Variants in HNRNPUL1 observed in about 807,000 individuals in gnomAD.
The protein encoded by HNRNPUL1 is heterogeneous nuclear ribonucleoprotein U like 1.
A neutral mutation model predicts 108.5 loss-of-function variants in HNRNPUL1; 14 were observed. The ratio of observed to expected loss-of-function variants is 0.13; its 90% confidence interval spans 0.09 to 0.20. HNRNPUL1 has a LOEUF of 0.20. HNRNPUL1 is among the 10% of genes least tolerant of loss of function. The pLI is 1.00. For synonymous variants in HNRNPUL1, 422 were observed against 445.2 expected (o/e 0.95, Z 0.66); for missense variants, 804 against 1,168.3 (o/e 0.69, Z 4.55).
chr19:41,306,730 CT>C lies in HNRNPUL1; in HGVS notation c.*166del. 1 of 412,964 alleles carries C rather than the reference CT, an allele frequency of 2.4e-6. No individual in the cohort carries two copies. The highest frequency in any genetic ancestry group is 8.1e-5 in the South Asian group (1 of 12,282). The allele number at this position is 412,964 out of a possible 1,614,324, so 25.6% of individuals were successfully genotyped here. On this transcript the variant is annotated 3_prime_UTR_variant, in exon 15 of 15. Coordinates refer to ENST00000392006, the MANE Select transcript of HNRNPUL1 (RefSeq NM_007040.6). ...CTCCCCTCTGAGGGGCTTCCTTCCC[CT>C]CCATAGGGCCAGGCATTTTTTTCTG...
At chr19:41,269,059 T>C (rs564739591) in intron 2 of HNRNPUL1, among the ~76,000 whole-genome samples, 2 of 152,054 alleles carry the variant, frequency 1.3e-5, no homozygotes, top group South Asian at 4.2e-4. Context: ...CTTAGCCAAA[T>C]GTGTCTGGAA....
Position 41,292,004 on chromosome 19 carries a change from AAAC to A in HNRNPUL1, c.1000-240_1000-238del. The stretch of plus-strand genomic sequence containing the variant: ...CAAAAAAAAAAAAAACAAAAAAAAA[AAAC>A]TCTTGCTTACTTGCTTCATATCCAC... On this transcript the variant is annotated intron_variant, in intron 7 of 14. Transcript: ENST00000392006. The surrounding 1 kb of genome is among the most constrained non-coding windows in gnomAD (Gnocchi z 4.1). The A allele has an allele frequency of 9.4e-6, 5 of 529,548 alleles. No homozygotes were observed. Among genetic ancestry groups the A allele is most frequent in the East Asian group, 3.3e-5 (1 of 30,618 alleles). The allele number at this position is 529,548 out of a possible 1,614,324, so 32.8% of individuals were successfully genotyped here.
intron 6 of HNRNPUL1, 143 bp from the exon 7 acceptor site, chr19:41,281,020 C>T: frequency 1.7e-6 from 1 of 604,314 alleles, no homozygotes; most frequent in Non-Finnish European, 3.0e-6. Context: ...CACCCTTCCC[C>T]ACCCCTATTT....
chr19:41,273,837 A>T, intron 3 of HNRNPUL1, 145 bp from the exon 4 acceptor site: 1 of 634,114 alleles, frequency 1.6e-6, no homozygotes, highest in Non-Finnish European at 2.8e-6. Context: ...AGGGTTTCAG[A>T]GTTCTTTTGC....
chr19:41,281,292 T>G lies in HNRNPUL1; in HGVS notation c.999+17T>G, dbSNP rs769275998. The G allele has an allele frequency of 2.2e-5, 34 of 1,554,590 alleles. No homozygotes were observed. The highest frequency in any genetic ancestry group is 2.9e-5 in the Non-Finnish European group (33 of 1,126,156). ...TGCTTTGCGGTGAGTGCTAGCAGCC[T>G]GTGGGAGTTGGCAGAACCAGATGTT... On this transcript the variant is annotated intron_variant, in intron 7 of 14. Coordinates refer to ENST00000392006, the MANE Select transcript of HNRNPUL1 (RefSeq NM_007040.6).
Position 41,307,390 on chromosome 19 carries a change from TG to T in HNRNPUL1, c.*827del, listed in dbSNP as rs2037601144. 6.6e-6 allele frequency: 1 copy of T among 152,588 alleles called. No homozygotes were observed. The highest frequency in any genetic ancestry group is 2.4e-5 in the African/African-American group (1 of 41,418). The allele number at this position is 152,588 out of a possible 1,614,324, so 9.5% of individuals were successfully genotyped here. On this transcript the variant is annotated 3_prime_UTR_variant, in exon 15 of 15. Coordinates refer to ENST00000392006, the MANE Select transcript of HNRNPUL1 (RefSeq NM_007040.6). ...TTGAAACCTTTTATTCCGGGCGTCT[TG>T]GTAGTTTCTGGTGGGATTCAGTGGG...
rs1454574086 is a variant in HNRNPUL1 at position 41,272,127 on chromosome 19, C to T, written c.464C>T (p.Pro155Leu). The T allele has an allele frequency of 7.4e-6, 12 of 1,613,954 alleles. No homozygotes were observed. The highest frequency in any genetic ancestry group is 4.5e-5 in the East Asian group (2 of 44,892). ...MKQGAPTSFL[P>L]PEASQLKPDR... The stretch of plus-strand genomic sequence containing the variant: ...CAAGGAGCACCCACCAGCTTCCTCC[C>T]GCCTGAAGCTTCTCAACTCAAGCCA... Residue 155 changes from proline (P) to leucine (L), a missense_variant, in exon 3 of 15, where the codon CCG becomes CTG. By Grantham distance (98) the Pro-to-Leu change is moderately conservative. Transcript: ENST00000392006.
In HNRNPUL1 at chr19:41,306,551, A is replaced by G. The variant is rs1219089161; in HGVS notation, c.2557A>G (p.Thr853Ala). The stretch of plus-strand genomic sequence containing the variant: ...CTACTCCGGGAACACACAGGGTGGC[A>G]CAAGTACACAGTAGCCAGTGTGACC... ...GSYSGNTQGG[T>A]STQ Residue 853 changes from threonine to alanine, a missense_variant, in exon 15 of 15, where the codon ACA (threonine) becomes GCA (alanine). Thr to Ala is a moderately conservative substitution (Grantham distance 58). This residue lies in a region of HNRNPUL1 where 294 missense variants were observed against 388.3 expected (regional missense o/e 0.76). Transcript: ENST00000392006. The G allele has an allele frequency of 1.9e-6, 3 of 1,593,382 alleles. No individual in the cohort carries two copies. The highest frequency in any genetic ancestry group is 2.6e-6 in the Non-Finnish European group (3 of 1,170,682).
chr19:41,270,491 CAAAA>C (rs1313539566), intron 2 of HNRNPUL1, among the ~76,000 whole-genome samples: 1 of 150,534 alleles, frequency 6.6e-6, no homozygotes, highest in Non-Finnish European at 1.5e-5. Flanking sequence ...AAAAAATAGA[CAAAA>C]AACCTTGTGT....
chr19:41,304,151 A>T lies in HNRNPUL1; in HGVS notation c.2152A>T (p.Ser718Cys). The T allele has an allele frequency of 6.2e-7, 1 of 1,614,196 alleles. No individual in the cohort carries two copies. The highest frequency in any genetic ancestry group is 8.5e-7 in the Non-Finnish European group (1 of 1,180,030). Reference protein sequence around the residue: ...PQQPPPPPSYSPARNPPGAST... With the variant: ...PQQPPPPPSYCPARNPPGAST... ...GCAGCCACCGCCACCACCCAGCTAC[A>T]GCCCTGCTCGGAACCCCCCAGGGGC... is the stretch of plus-strand genomic sequence containing the variant. Residue 718 changes from serine to cysteine, a missense_variant, in exon 13 of 15, where the codon AGC becomes TGC. Ser to Cys is a moderately radical substitution (Grantham distance 112). This residue lies in a region of HNRNPUL1 where 294 missense variants were observed against 388.3 expected (regional missense o/e 0.76). Coordinates refer to ENST00000392006, the MANE Select transcript of HNRNPUL1 (RefSeq NM_007040.6).
At chr19:41,299,980 C>T (rs1329892724) in intron 10 of HNRNPUL1, among the ~76,000 whole-genome samples, 1 of 152,082 alleles carries the variant, frequency 6.6e-6, no homozygotes, top group Non-Finnish European at 1.5e-5. Context: ...ATTCAGTCCT[C>T]ACAGCAACCC....
intron 7 of HNRNPUL1, among the ~76,000 whole-genome samples, chr19:41,287,624 A>G (rs1310966141): frequency 2.6e-5 from 4 of 152,064 alleles, no homozygotes; most frequent in East Asian, 1.9e-4. Flanking sequence ...CAGTGGCGCA[A>G]TCTCAGCTCA....
In HNRNPUL1 at chr19:41,291,842, G is replaced by T. The variant is rs143892675; in HGVS notation, c.1000-403G>T. ...TACAAAAAAATTTAAAAATTAGCCA[G>T]GTGTGGAACATGCCTGTAGTCCCAG... is the stretch of plus-strand genomic sequence containing the variant. On this transcript the variant is annotated intron_variant, in intron 7 of 14. Transcript: ENST00000392006. 1.8e-3 allele frequency: 332 copies of T among 180,136 alleles called. 3 individuals are homozygous for T. Among genetic ancestry groups the T allele is most frequent in the African/African-American group, 7.5e-3 (316 of 41,950 alleles). The allele number at this position is 180,136 out of a possible 1,614,324, so 11.2% of individuals were successfully genotyped here. A position where few individuals can be genotyped will look rare whatever the true frequency, so the allele number is the denominator to read the frequency against.
Position 41,264,430 on chromosome 19 carries a change from A to C in HNRNPUL1, c.-74A>C. 1.7e-6 allele frequency: 2 copies of C among 1,206,384 alleles called. No homozygotes were observed. Among genetic ancestry groups the C allele is most frequent in the South Asian group, 2.7e-5 (1 of 36,786 alleles). 74.7% of individuals were successfully genotyped at this position (1,206,384 alleles called of 1,614,324 possible). The stretch of plus-strand genomic sequence containing the variant: ...CCCCCCTTTCCCCCTTCGCCTCCTG[A>C]CAGGAAAGGTTTAAGGGGGACAGAG... On this transcript the variant is annotated 5_prime_UTR_variant, in exon 1 of 15. Transcript: ENST00000392006.
intron 2 of HNRNPUL1, among the ~76,000 whole-genome samples, chr19:41,270,712 C>T (rs1029547539): frequency 6.6e-6 from 1 of 151,302 alleles, no homozygotes; most frequent in Non-Finnish European, 1.5e-5. Context: ...TCTCCTGCCT[C>T]AGCCTCCTAA....
chr19:41,276,116 CAAAAT>C (rs2122567051), intron 4 of HNRNPUL1, 38 bp from the exon 5 acceptor site: 1 of 1,612,966 alleles, frequency 6.2e-7, no homozygotes, highest in East Asian at 2.2e-5. Flanking sequence ...GAAAACAAAA[CAAAAT>C]AAAAACATCA....
Position 41,306,483 on chromosome 19 carries a change from A to G in HNRNPUL1, c.2489A>G (p.Gln830Arg). The change falls in exon 15 of 15, where the codon CAG becomes CGG. Residue 830 changes from glutamine (Q) to arginine (R), a missense_variant. Gln to Arg is a conservative substitution (Grantham distance 43, BLOSUM62 1). Transcript: ENST00000392006. Reference sequence around the variant, plus strand: ...CAGTGGAACCAGTACTATCAGAACCAGGGCCAGTGGCCGCCATACTACGGG... The same window carrying G: ...CAGTGGAACCAGTACTATCAGAACCGGGGCCAGTGGCCGCCATACTACGGG... ...AQQWNQYYQN[Q>R]GQWPPYYGNY... The G allele has an allele frequency of 6.9e-6, 11 of 1,603,870 alleles. No individual in the cohort carries two copies. The highest frequency in any genetic ancestry group is 9.4e-6 in the Non-Finnish European group (11 of 1,175,772).
In HNRNPUL1 at chr19:41,268,609, A is replaced by C. The variant is rs564872698; in HGVS notation, c.418+264A>C. Among the ~76,000 whole-genome samples the C allele has an allele frequency of 2.0e-5, 3 of 152,300 alleles. No individual in the cohort carries two copies. The South Asian group carries it at 6.2e-4, about 32-fold the overall frequency. On this transcript the variant is annotated intron_variant, in intron 2 of 14. Coordinates refer to ENST00000392006, the MANE Select transcript of HNRNPUL1 (RefSeq NM_007040.6). ...TGTGGTGGCTCCCTCCTGTAATCCC[A>C]GCACTTTGGGAGGCCGAGGCAGGTG... is the stretch of plus-strand genomic sequence containing the variant.
At chr19:41,264,148 T>C (rs1171590597), upstream of HNRNPUL1, among the ~76,000 whole-genome samples, 3 of 152,254 alleles carry the variant, frequency 2.0e-5, no homozygotes, top group East Asian at 5.8e-4. Context: ...CAGCAAGCGC[T>C]CCGCCTCCTG....
Sources: gnomAD v4.1 joint callset for allele counts (sites outside exome capture counted in the v4.1 genomes callset) on GRCh38, gnomAD v4.1.1 for gene constraint, gnomAD v4.1.1 regional missense constraint, Gnocchi (gnomAD v3.1) non-coding constraint, MANE v1.5 for transcripts, NCBI Gene and HGNC (gene_info 2026-07-23, HGNC 2026-07-21) for gene names.